Variants in CALD1 observed in about 807,000 individuals in gnomAD.
CALD1 encodes caldesmon 1.
CALD1 carries 33 observed loss-of-function variants against 99.9 expected under a neutral mutation model. The observed-to-expected ratio is 0.33, with a 90% CI of 0.25 to 0.44. The LOEUF is 0.44. CALD1 is among the 20% of genes least tolerant of loss of function. The pLI, the probability that CALD1 is intolerant of heterozygous loss-of-function variation, is 1.00. For missense variants in CALD1, 861 were observed against 962.1 expected, an observed-to-expected ratio of 0.89 and a Z score of 1.39; for synonymous variants, 310 against 325.0, an observed-to-expected ratio of 0.95 and a Z score of 0.50.
At chr7:134,882,538 A>G (rs1237522397) in intron 3 of CALD1, among the ~76,000 whole-genome samples, 1 of 152,204 alleles carries the variant, frequency 6.6e-6, no homozygotes, top group Non-Finnish European at 1.5e-5. Context: ...TCAGATAATC[A>G]TCAAATTACA....
At chr7:134,831,436 A>T (rs575896461) in intron 1 of CALD1, among the ~76,000 whole-genome samples, 1 of 152,132 alleles carries the variant, frequency 6.6e-6, no homozygotes, top group South Asian at 2.1e-4. Flanking sequence ...TCTCTGCCTC[A>T]GCCTCCCGAG....
chr7:134,878,993 T>C (rs1203122810), intron 3 of CALD1, among the ~76,000 whole-genome samples: 2 of 151,982 alleles, frequency 1.3e-5, no homozygotes, highest in African/African-American at 4.8e-5. Context: ...AAAGATGTAA[T>C]GAAAGCTATC....
intron 3 of CALD1, among the ~76,000 whole-genome samples, chr7:134,923,061 C>T (rs1381724840): frequency 2.6e-5 from 4 of 152,276 alleles, no homozygotes; most frequent in East Asian, 3.9e-4. Flanking sequence ...TTTTAAAATT[C>T]GTTGCATTTA....
At chr7:134,964,232 G>T (rs1026799756) in intron 13 of CALD1, among the ~76,000 whole-genome samples, 1 of 152,106 alleles carries the variant, frequency 6.6e-6, no homozygotes, top group African/African-American at 2.4e-5. Context: ...ACTTTGTTTG[G>T]GCTGCCCGGC....
chr7:134,721,318 T>C, the CALD1 span, among the ~76,000 whole-genome samples: 1 of 129,702 alleles, frequency 7.7e-6, no homozygotes, highest in Non-Finnish European at 1.5e-5. Context: ...GAGCCTGGTT[T>C]AAGTCATCTG....
intron 3 of CALD1, among the ~76,000 whole-genome samples, chr7:134,903,651 T>G (rs536229954): frequency 3.1e-4 from 47 of 152,166 alleles, no homozygotes; most frequent in African/African-American, 1.1e-3. Context: ...CTGTGTCTCT[T>G]CTTAGCGTCT....
chr7:134,964,594 T>C (rs1273503549), intron 13 of CALD1, among the ~76,000 whole-genome samples: 1 of 152,118 alleles, frequency 6.6e-6, no homozygotes, highest in African/African-American at 2.4e-5. Flanking sequence ...AGAAAGTCCC[T>C]AGGCAGAGAA....
chr7:134,937,849 A>T (rs930713694), intron 6 of CALD1, among the ~76,000 whole-genome samples: 1 of 152,218 alleles, frequency 6.6e-6, no homozygotes. Flanking sequence ...TGAGTTGCAG[A>T]CGATCACCAA....
chr7:134,803,037 CT>C (rs1459069416), intron 1 of CALD1, among the ~76,000 whole-genome samples: 1 of 152,192 alleles, frequency 6.6e-6, no homozygotes, highest in Non-Finnish European at 1.5e-5. Context: ...GGCTCCCTAT[CT>C]TTAACAACAT....
At chr7:134,799,569 A>G (rs1797869692) in intron 1 of CALD1, among the ~76,000 whole-genome samples, 1 of 152,198 alleles carries the variant, frequency 6.6e-6, no homozygotes, top group Admixed American at 6.5e-5. Flanking sequence ...TAGCATTTCT[A>G]CAGGTGTGGC....
At chr7:134,715,471 G>A in the CALD1 span, among the ~76,000 whole-genome samples, 1 of 152,188 alleles carries the variant, frequency 6.6e-6, no homozygotes, top group East Asian at 1.9e-4. Context: ...TTAAATTGCT[G>A]GGTAGGGCTT....
chr7:134,958,513 A>T (rs1400973966), intron 11 of CALD1, among the ~76,000 whole-genome samples: 1 of 150,760 alleles, frequency 6.6e-6, no homozygotes, highest in East Asian at 2.0e-4. Flanking sequence ...GGGTCAAGCA[A>T]TTCTGCCTCA....
rs1049594489 is a variant in CALD1, at chr7:134,795,124, C to A, written c.-130+15375C>A. Among the ~76,000 whole-genome samples, 93 of 152,098 alleles carry A rather than the reference C, an allele frequency of 6.1e-4. 1 individual carries two copies. The highest frequency in any genetic ancestry group is 2.1e-3 in the African/African-American group (89 of 41,502). On this transcript the variant is annotated intron_variant, in intron 1 of 14. Transcript: ENST00000361675. ...TATTTACTTATTTGGGAATTTTGAC[C>A]ACAATTTTCTTTCTCTTTTTTTTTC...
intron 1 of CALD1, among the ~76,000 whole-genome samples, chr7:134,754,251 G>A (rs1420812377): frequency 9.2e-5 from 14 of 152,178 alleles, no homozygotes; most frequent in Admixed American, 9.2e-4. Context: ...AAAGAGAAGG[G>A]AGAAGAGAAA....
At chr7:134,802,856 C>A (rs567619862) in intron 1 of CALD1, among the ~76,000 whole-genome samples, 10 of 152,336 alleles carry the variant, frequency 6.6e-5, no homozygotes, top group African/African-American at 2.4e-4. Flanking sequence ...GATTCAAGTA[C>A]CTTTTTCCGT....
At chr7:134,838,979 G>T (rs1397997156) in intron 1 of CALD1, among the ~76,000 whole-genome samples, 1 of 152,172 alleles carries the variant, frequency 6.6e-6, no homozygotes, top group Non-Finnish European at 1.5e-5. Flanking sequence ...TGTACAGAGT[G>T]ATGGACTTTC....
chr7:134,819,815 G>C (rs1192245260), intron 1 of CALD1, among the ~76,000 whole-genome samples: 1 of 152,198 alleles, frequency 6.6e-6, no homozygotes, highest in Non-Finnish European at 1.5e-5. Flanking sequence ...GTTCAAAGCT[G>C]TAGTGAGCTA....
chr7:134,965,357 T>G lies in CALD1; in HGVS notation c.2347T>G (p.Ser783Ala), dbSNP rs1180321204. Residue 783 changes from serine (S) to alanine (A), a missense_variant, in exon 14 of 15, where the codon TCT becomes GCT. By Grantham distance (99) the Ser-to-Ala change is moderately conservative. Coordinates refer to ENST00000361675, the MANE Select transcript of CALD1 (RefSeq NM_033138.4). Reference sequence around the variant, plus strand: ...CAAGCGGAACCTCTGGGAAAAGCAATCTGTGGATAAGGTCACTTCCCCCAC... The same window carrying G: ...CAAGCGGAACCTCTGGGAAAAGCAAGCTGTGGATAAGGTCACTTCCCCCAC... ...SSKRNLWEKQ[S>A]VDKVTSPTKV 4 of 1,581,398 alleles carry G rather than the reference T, an allele frequency of 2.5e-6. No individual in the cohort carries two copies. The highest frequency in any genetic ancestry group is 3.5e-6 in the Non-Finnish European group (4 of 1,150,344).
At chr7:134,948,191 G>A in intron 8 of CALD1, 1 of 156,418 alleles carries the variant, frequency 6.4e-6, no homozygotes, top group Non-Finnish European at 1.4e-5. Flanking sequence ...TCTAATAGTT[G>A]GAGAGTTTTT....
Sources: allele counts gnomAD v4.1 joint callset (sites outside exome capture counted in the v4.1 genomes callset), GRCh38; gene constraint gnomAD v4.1.1; transcripts MANE v1.5; gene names NCBI Gene and HGNC (gene_info 2026-07-23, HGNC 2026-07-21).